Variants in PPP1CC observed in about 807,000 individuals in gnomAD.
PPP1CC encodes serine/threonine-protein phosphatase PP1-gamma catalytic subunit.
In PPP1CC, 16 loss-of-function variants were observed where a neutral mutation model predicts 38.4. The ratio of observed to expected loss-of-function variants is 0.42; its 90% CI spans 0.28 to 0.63. The LOEUF is 0.63. PPP1CC is among the 30% of genes least tolerant of loss of function. The pLI is 0.25. For missense variants in PPP1CC, 170 were observed against 391.3 expected, an observed-to-expected ratio of 0.43 and a Z score of 4.77; for synonymous variants, 158 against 136.0, an observed-to-expected ratio of 1.16 and a Z score of -1.13.
intron 1 of PPP1CC, among the ~76,000 whole-genome samples, chr12:110,740,375 CAGG>C (rs1452326690): frequency 2.0e-5 from 3 of 152,112 alleles, no homozygotes; most frequent in African/African-American, 7.2e-5. Context: ...TGCTTGAAAC[CAGG>C]AGTTTGAGAA....
At chr12:110,733,481 T>G (rs1381298175) in intron 1 of PPP1CC, among the ~76,000 whole-genome samples, 3 of 152,252 alleles carry the variant, frequency 2.0e-5, no homozygotes, top group African/African-American at 7.2e-5. Context: ...TAACAATTTT[T>G]TTTTTTGGCT....
intron 3 of PPP1CC, chr12:110,726,382 A>G (rs1196891679): frequency 6.6e-6 from 1 of 152,162 alleles, no homozygotes; most frequent in African/African-American, 2.4e-5. Context: ...ACCCTGTTGC[A>G]TATTTCTTTA....
chr12:110,737,627 T>C (rs897374746), intron 1 of PPP1CC, among the ~76,000 whole-genome samples: 8 of 151,614 alleles, frequency 5.3e-5, no homozygotes, highest in Non-Finnish European at 1.0e-4. Flanking sequence ...TCCTAACAGA[T>C]GGGGTTACAC....
intron 1 of PPP1CC, among the ~76,000 whole-genome samples, chr12:110,739,254 G>C (rs2069983790): frequency 6.6e-6 from 1 of 152,038 alleles, no homozygotes; most frequent in African/African-American, 2.4e-5. Flanking sequence ...GTTGCAGTGA[G>C]CCAGGATCCC....
At chr12:110,727,612 T>TAA (rs60861001) in intron 3 of PPP1CC, among the ~76,000 whole-genome samples, 4 of 133,440 alleles carry the variant, frequency 3.0e-5, no homozygotes, top group Non-Finnish European at 3.3e-5. Flanking sequence ...TTTACAAAGT[T>TAA]AAAAAAAAAA....
chr12:110,721,890 A>G, intron 6 of PPP1CC: 1 of 485,628 alleles, frequency 2.1e-6, no homozygotes, highest in South Asian at 4.7e-5. Context: ...AAGAGCCATA[A>G]GCATTAAGGA....
chr12:110,721,957 A>AT, intron 6 of PPP1CC, 178 bp downstream of exon 6: 1 of 645,090 alleles, frequency 1.6e-6, no homozygotes, highest in Non-Finnish European at 2.4e-6. Flanking sequence ...GCCATAATTA[A>AT]TTTTTTCTTT....
chr12:110,737,302 A>AC (rs1323498236), intron 1 of PPP1CC, among the ~76,000 whole-genome samples: 1 of 150,914 alleles, frequency 6.6e-6, no homozygotes, highest in African/African-American at 2.4e-5. Context: ...ACATGGTAAA[A>AC]CCCCATCTCT....
Position 110,731,756 on chromosome 12 carries a change from T to C in PPP1CC, c.187+14A>G. On this transcript the variant is annotated intron_variant, in intron 2 of 6. Transcript: ENST00000335007. ...ATCATGTAACAAAAGATAACCTGTGTGCCCCAAACTTACCACATATTTTGA... is the reference window on the plus strand; with the variant it reads ...ATCATGTAACAAAAGATAACCTGTGCGCCCCAAACTTACCACATATTTTGA... The C allele has an allele frequency of 6.3e-7, 1 of 1,599,684 alleles. No homozygotes were observed. The highest frequency in any genetic ancestry group is 8.6e-7 in the Non-Finnish European group (1 of 1,168,534).
chr12:110,728,227 G>A (rs973780540), intron 3 of PPP1CC, among the ~76,000 whole-genome samples: 1 of 151,658 alleles, frequency 6.6e-6, no homozygotes, highest in African/African-American at 2.4e-5. Flanking sequence ...GTGAAACCCC[G>A]CCTCTACTAA....
the PPP1CC span, among the ~76,000 whole-genome samples, chr12:110,713,102 C>T: frequency 6.6e-6 from 1 of 151,554 alleles, no homozygotes; most frequent in South Asian, 2.1e-4. Flanking sequence ...TGAAAACCAG[C>T]AAATAACTTG....
chr12:110,742,645 C>T lies in PPP1CC; in HGVS notation c.55+8G>A. 6.8e-7 allele frequency: 1 copy of T among 1,479,202 alleles called. No homozygotes were observed. The highest frequency in any genetic ancestry group is 9.0e-7 in the Non-Finnish European group (1 of 1,110,062). 91.6% of individuals were successfully genotyped at this position (1,479,202 alleles called of 1,614,324 possible). The stretch of plus-strand genomic sequence containing the variant: ...CCTCCCCCTTCAGCCGCCCGCCGCC[C>T]CCCTTACCTTCCAGCAGCCGTTGGA... On this transcript the variant is annotated splice_region_variant and intron_variant, in intron 1 of 6. Coordinates refer to ENST00000335007, the MANE Select transcript of PPP1CC (RefSeq NM_002710.4).
chr12:110,725,530 G>C (rs994947432), intron 3 of PPP1CC: 1 of 152,272 alleles, frequency 6.6e-6, no homozygotes, highest in Non-Finnish European at 1.5e-5. Context: ...CCACAGGCCT[G>C]ATGTCACAGG....
intron 1 of PPP1CC, chr12:110,732,270 C>G (rs533743789): frequency 3.3e-6 from 1 of 305,968 alleles, no homozygotes; most frequent in African/African-American, 2.1e-5. Context: ...CCATCCTCGC[C>G]AACATGGCGT....
At chr12:110,724,819 C>A in intron 3 of PPP1CC, 55 bp from the exon 4 acceptor site, 1 of 1,052,052 alleles carries the variant, frequency 9.5e-7, no homozygotes, top group Non-Finnish European at 1.5e-6. Flanking sequence ...GTTCCGTAGG[C>A]TCATTCTCTC....
downstream of PPP1CC, among the ~76,000 whole-genome samples, chr12:110,716,868 A>G (rs1292875937): frequency 6.6e-6 from 1 of 152,260 alleles, no homozygotes; most frequent in Non-Finnish European, 1.5e-5. Context: ...CTCTGTGATC[A>G]CACAACTATG....
At chr12:110,742,281 G>A (rs74952739) in intron 1 of PPP1CC, among the ~76,000 whole-genome samples, 7,269 of 152,230 alleles carry the variant, frequency 0.048, 503 homozygotes, top group African/African-American at 0.16. Context: ...CACGGCACAC[G>A]TCGTCCAGGA....
chr12:110,734,885 G>C (rs2136561099), intron 1 of PPP1CC: 1 of 150,564 alleles, frequency 6.6e-6, no homozygotes, highest in Middle Eastern at 3.4e-3. Context: ...GGTTACTGCG[G>C]AGGCTGAGGC....
chr12:110,732,109 T>G (rs750958130), intron 1 of PPP1CC: 1 of 589,780 alleles, frequency 1.7e-6, no homozygotes, highest in Non-Finnish European at 2.9e-6. Context: ...AAGTAAGACT[T>G]CTTTTATAGT....
Sources: gnomAD v4.1 joint callset for allele counts (sites outside exome capture counted in the v4.1 genomes callset) on GRCh38, gnomAD v4.1.1 for gene constraint, MANE v1.5 for transcripts, NCBI Gene and HGNC (gene_info 2026-07-23, HGNC 2026-07-21) for gene names.